DDX10: variants seen among roughly 807,000 people sequenced by gnomAD.
DDX10 encodes probable ATP-dependent RNA helicase DDX10.
Under a neutral mutation model 104.3 loss-of-function variants are expected in DDX10, and 74 were observed. The observed-to-expected ratio is 0.71, with a 90% CI of 0.59 to 0.86. The LOEUF (loss-of-function observed/expected upper bound fraction) is 0.86. Ranked by LOEUF, DDX10 falls within the 40% of genes least tolerant of loss-of-function variation. The pLI is 0.00. For synonymous variants in DDX10, 351 were observed against 353.4 expected (o/e 0.99, Z 0.08); for missense variants, 952 against 1,040.0 (o/e 0.92, Z 1.16).
chr11:108,840,456 G>A (rs1862621625), intron 14 of DDX10, among the ~76,000 whole-genome samples: 1 of 152,156 alleles, frequency 6.6e-6, no homozygotes, highest in Non-Finnish European at 1.5e-5. Flanking sequence ...ATAGAGTTTT[G>A]TGGTGTTAGA....
At chr11:108,934,229 G>T (rs1045998246) in intron 17 of DDX10, among the ~76,000 whole-genome samples, 3 of 152,184 alleles carry the variant, frequency 2.0e-5, no homozygotes, top group Non-Finnish European at 4.4e-5. Context: ...TTCAATTAAG[G>T]TTATAAAAGA....
intron 1 of DDX10, among the ~76,000 whole-genome samples, 178 bp downstream of exon 1, chr11:108,665,517 G>C (rs935529507): frequency 6.6e-6 from 1 of 151,822 alleles, no homozygotes; most frequent in Non-Finnish European, 1.5e-5. Flanking sequence ...TCTTCTGCTT[G>C]CCACACTGTT....
At chr11:108,890,584 G>A (rs61915182) in intron 16 of DDX10, among the ~76,000 whole-genome samples, 1 of 149,934 alleles carries the variant, frequency 6.7e-6, no homozygotes, top group African/African-American at 2.5e-5. Context: ...AAAAAAAAAG[G>A]CCTCTACCCT....
chr11:108,776,662 C>T (rs2094370272), intron 13 of DDX10, among the ~76,000 whole-genome samples: 1 of 152,122 alleles, frequency 6.6e-6, no homozygotes, highest in Non-Finnish European at 1.5e-5. Flanking sequence ...GCCCAATACT[C>T]ACGTGAGATC....
chr11:108,716,070 C>T (rs1420201091), intron 11 of DDX10, 104 bp downstream of exon 11: 17 of 707,668 alleles, frequency 2.4e-5, no homozygotes, highest in African/African-American at 3.6e-5. Flanking sequence ...GATATTCAAG[C>T]AGTGTAATTT....
chr11:108,831,715 T>C (rs1862474101), intron 13 of DDX10, among the ~76,000 whole-genome samples: 1 of 152,188 alleles, frequency 6.6e-6, no homozygotes, highest in South Asian at 2.1e-4. Flanking sequence ...AGTTTTATTT[T>C]CTTTTGTAGG....
intron 13 of DDX10, among the ~76,000 whole-genome samples, chr11:108,738,096 A>G (rs1363944090): frequency 6.6e-6 from 1 of 151,876 alleles, no homozygotes; most frequent in Non-Finnish European, 1.5e-5. Context: ...GGTTTGGATC[A>G]GCATTGTTTT....
intron 13 of DDX10, among the ~76,000 whole-genome samples, chr11:108,818,297 T>C (rs1173368977): frequency 1.3e-5 from 2 of 152,208 alleles, no homozygotes; most frequent in East Asian, 1.9e-4. Flanking sequence ...GAAAATTAAC[T>C]GTATAGTGTG....
intron 10 of DDX10, among the ~76,000 whole-genome samples, chr11:108,708,555 A>T (rs1333034003): frequency 6.8e-6 from 1 of 148,144 alleles, no homozygotes; most frequent in African/African-American, 2.5e-5. Context: ...ATTGCTGGTA[A>T]ATTGGTGTTC....
chr11:108,794,143 CTG>C (rs1861907941), intron 13 of DDX10, among the ~76,000 whole-genome samples: 1 of 152,134 alleles, frequency 6.6e-6, no homozygotes, highest in Admixed American at 6.5e-5. Flanking sequence ...GCAATAAACA[CTG>C]GAGTGCACAC....
chr11:108,674,693 G>T (rs1057020191), intron 2 of DDX10, among the ~76,000 whole-genome samples: 2 of 151,926 alleles, frequency 1.3e-5, no homozygotes, highest in Non-Finnish European at 2.9e-5. Context: ...AAAAATTTTT[G>T]GTAGAGATAG....
intron 16 of DDX10, among the ~76,000 whole-genome samples, chr11:108,900,887 T>C (rs1019140085): frequency 6.6e-6 from 1 of 152,218 alleles, no homozygotes; most frequent in Non-Finnish European, 1.5e-5. Context: ...CTACCTTGTA[T>C]GTGCCTACAC....
intron 17 of DDX10, among the ~76,000 whole-genome samples, chr11:108,930,880 T>C (rs1863967634): frequency 6.6e-6 from 1 of 152,238 alleles, no homozygotes; most frequent in African/African-American, 2.4e-5. Flanking sequence ...AACTGTCTTC[T>C]CAGCCTCTCA....
intron 1 of DDX10, among the ~76,000 whole-genome samples, chr11:108,667,982 C>T (rs1240099053): frequency 6.6e-6 from 1 of 152,168 alleles, no homozygotes; most frequent in East Asian, 1.9e-4. Context: ...CTTTGCACTC[C>T]CCAGAGTCTG....
chr11:108,866,890 T>G (rs992102504), intron 16 of DDX10, among the ~76,000 whole-genome samples: 22 of 152,152 alleles, frequency 1.4e-4, no homozygotes, highest in African/African-American at 5.3e-4. Flanking sequence ...ATGGACATAA[T>G]TATAGAAGCA....
intron 13 of DDX10, among the ~76,000 whole-genome samples, chr11:108,789,345 T>C (rs1861838377): frequency 6.6e-6 from 1 of 152,206 alleles, no homozygotes; most frequent in African/African-American, 2.4e-5. Context: ...TTTGGAAATG[T>C]CCTTATTTAT....
intron 13 of DDX10, among the ~76,000 whole-genome samples, chr11:108,769,693 C>G (rs562130695): frequency 6.6e-6 from 1 of 152,140 alleles, no homozygotes; most frequent in African/African-American, 2.4e-5. Context: ...TTTGTGTGGT[C>G]TAGTTTGAAA....
intron 6 of DDX10, among the ~76,000 whole-genome samples, chr11:108,686,332 T>C (rs1469504513): frequency 1.3e-5 from 2 of 152,060 alleles, no homozygotes; most frequent in African/African-American, 4.8e-5. Context: ...TGATAACATA[T>C]GTCTACTGTT....
chr11:108,878,790 G>GTT (rs34268579), intron 16 of DDX10, among the ~76,000 whole-genome samples: 116 of 149,860 alleles, frequency 7.7e-4, no homozygotes, highest in Middle Eastern at 3.4e-3. Flanking sequence ...TAACATAGTT[G>GTT]TTTTTTTTTT....
Sources: allele counts gnomAD v4.1 joint callset (sites outside exome capture counted in the v4.1 genomes callset), GRCh38; gene constraint gnomAD v4.1.1; transcripts MANE v1.5; gene names NCBI Gene and HGNC (gene_info 2026-07-23, HGNC 2026-07-21).